Variants in COX11 observed in about 807,000 individuals in gnomAD.
The protein encoded by COX11 is cytochrome c oxidase assembly protein COX11, mitochondrial.
COX11 carries 18 observed loss-of-function variants against 29.4 expected under a neutral mutation model. The ratio of observed to expected loss-of-function variants is 0.61; its 90% CI spans 0.42 to 0.91. The LOEUF (loss-of-function observed/expected upper bound fraction) is 0.91. COX11 is among the 40% of genes least tolerant of loss of function. The probability of loss-of-function intolerance (pLI) is 0.00; values close to 1 mark genes in which losing one functional copy is unlikely to be tolerated. For missense variants in COX11, 312 were observed against 346.0 expected (o/e 0.90, Z 0.78); for synonymous variants, 131 against 124.0 (o/e 1.06, Z -0.38).
exon 1 of COX11, chr17:54,953,855 G>T (rs956670486): frequency 1.3e-5 from 2 of 152,210 alleles, no homozygotes; most frequent in Non-Finnish European, 2.9e-5. Context: ...GAGAGATGAA[G>T]TGAGATTAAA....
Position 54,961,331 on chromosome 17 carries a change from C to G in COX11, c.*1402G>C. 6.4e-7 allele frequency: 1 copy of G among 1,551,516 alleles called. No individual in the cohort carries two copies. The highest frequency in any genetic ancestry group is 8.7e-7 in the Non-Finnish European group (1 of 1,146,886). The stretch of plus-strand genomic sequence containing the variant: ...TTGAAGCCTGGAAGACAATACCTAC[C>G]AACATGTCAAAGCCATGGTGGCACA... On this transcript the variant is annotated 3_prime_UTR_variant, in exon 4 of 4. Transcript: ENST00000299335.
exon 1 of COX11, chr17:54,953,268 C>A: frequency 6.6e-6 from 1 of 152,594 alleles, no homozygotes; most frequent in Non-Finnish European, 1.5e-5. Context: ...ACTTGAGAGG[C>A]TAAGGTGGGA....
upstream of COX11, chr17:54,968,660 A>G: frequency 2.5e-6 from 4 of 1,594,856 alleles, no homozygotes; most frequent in Non-Finnish European, 3.4e-6. Flanking sequence ...CCTCTGAACT[A>G]ACACCCACCC....
At chr17:54,958,748 A>AAAAAG (rs372776781), downstream of COX11, among the ~76,000 whole-genome samples, 448 of 118,728 alleles carry the variant, frequency 3.8e-3, 3 homozygotes, top group African/African-American at 6.1e-3. Flanking sequence ...AAAAAAAAAA[A>AAAAAG]GGGGTTGTTG....
At chr17:54,964,900 G>A (rs749462664) in intron 1 of COX11, 48 bp from the exon 2 acceptor site, 3 of 1,552,306 alleles carry the variant, frequency 1.9e-6, no homozygotes, top group Non-Finnish European at 2.6e-6. Flanking sequence ...AGGTGTTGAT[G>A]ATCTATTTAT....
At chr17:54,967,000 C>A (rs1030649113) in intron 1 of COX11, among the ~76,000 whole-genome samples, 2 of 144,300 alleles carry the variant, frequency 1.4e-5, no homozygotes, top group African/African-American at 2.6e-5. Flanking sequence ...CATAGGGAGA[C>A]CTCGTCTCTA....
Position 54,968,419 on chromosome 17 carries a change from G to A in COX11, c.228C>T (p.Ser76=), listed in dbSNP as rs1392956564. ...PALQPPRRPK[S]SNPFTRAQEE... is the part of the protein sequence containing the mutation. Reference sequence around the variant, plus strand: ...CCTGCGCGCGTGTGAAAGGGTTCGAGCTCTTAGGCCGCCGCGGCGGCTGCA... The same window carrying A: ...CCTGCGCGCGTGTGAAAGGGTTCGAACTCTTAGGCCGCCGCGGCGGCTGCA... The change falls in exon 1 of 4, where the codon AGC becomes AGT. Residue 76 remains serine, a synonymous_variant. Coordinates refer to ENST00000299335, the MANE Select transcript of COX11 (RefSeq NM_004375.5). 1.2e-6 allele frequency: 2 copies of A among 1,613,466 alleles called. No individual in the cohort carries two copies. The highest frequency in any genetic ancestry group is 1.7e-6 in the Non-Finnish European group (2 of 1,179,992).
chr17:54,953,883 G>T (rs2049358655), exon 1 of COX11: 1 of 152,084 alleles, frequency 6.6e-6, no homozygotes, highest in Non-Finnish European at 1.5e-5. Context: ...TCAGCTTTTG[G>T]GTCATCTGGG....
downstream of COX11, chr17:54,957,443 C>T (rs529920502): frequency 6.6e-6 from 1 of 152,224 alleles, no homozygotes; most frequent in African/African-American, 2.4e-5. Context: ...TCCATCCAAA[C>T]AGGTAGTGGA....
chr17:54,963,224 A>G, intron 3 of COX11, 82 bp downstream of exon 3: 1 of 1,453,824 alleles, frequency 6.9e-7, no homozygotes, highest in Non-Finnish European at 9.4e-7. Flanking sequence ...AGAAATCACA[A>G]GATCTACTAA....
Position 54,968,287 on chromosome 17 carries a change from A to G in COX11, c.360T>C (p.Tyr120=), listed in dbSNP as rs758087630. The change falls in exon 1 of 4, where the codon TAT becomes TAC. Residue 120 remains tyrosine (Y), a synonymous_variant. Transcript: ENST00000299335. ...SYAAVPLYRL[Y]CQTTGLGGSA... ...GGGCGGCGCCGGCCCCTACCTGGCA[A>G]TAGAGCCGATAAAGGGGTACGGCAG... is the stretch of plus-strand genomic sequence containing the variant. 6 of 1,611,936 alleles carry G rather than the reference A, an allele frequency of 3.7e-6. No individual in the cohort carries two copies. The South Asian group carries it at 4.4e-5, about 12-fold the overall frequency.
exon 1 of COX11, chr17:54,952,252 A>C (rs1216892725): frequency 1.3e-5 from 2 of 152,114 alleles, no homozygotes; most frequent in Non-Finnish European, 2.9e-5. Flanking sequence ...TCTCAAACAG[A>C]ATTAGAAGTA....
rs2077299774 is a variant in COX11 at position 54,968,156 on chromosome 17, C to G, written c.366+125G>C. ...AGTGACTGTTTTGAACCTCTCTCCT[C>G]TTAGGTAGATAATATCGGAAACCTC... On this transcript the variant is annotated intron_variant, in intron 1 of 3. Coordinates refer to ENST00000299335, the MANE Select transcript of COX11 (RefSeq NM_004375.5). 3.5e-6 allele frequency: 5 copies of G among 1,444,004 alleles called. No homozygotes were observed. The South Asian group carries it at 5.5e-5, about 16-fold the overall frequency. The allele number at this position is 1,444,004 out of a possible 1,614,324, so 89.4% of individuals were successfully genotyped here.
intron 1 of COX11, 53 bp downstream of exon 1, chr17:54,968,228 T>C (rs561227389): frequency 1.9e-6 from 3 of 1,577,840 alleles, no homozygotes; most frequent in African/African-American, 1.4e-5. Context: ...GGATTTGTCT[T>C]GCACCCCCAC....
chr17:54,961,035 T>G lies in COX11; in HGVS notation c.*1698A>C. 1.7e-6 allele frequency: 1 copy of G among 589,230 alleles called. No homozygotes were observed. The highest frequency in any genetic ancestry group is 3.1e-5 in the Admixed American group (1 of 32,314). 36.5% of individuals were successfully genotyped at this position (589,230 alleles called of 1,614,324 possible). Reference sequence around the variant, plus strand: ...TTTTCAGCACTACTAATCCCATGTATTTACTATTTAATGGTCACCAATGAA... The same window carrying G: ...TTTTCAGCACTACTAATCCCATGTAGTTACTATTTAATGGTCACCAATGAA... On this transcript the variant is annotated 3_prime_UTR_variant, in exon 4 of 4. Transcript: ENST00000299335.
chr17:54,956,527 C>T (rs915783249), downstream of COX11, among the ~76,000 whole-genome samples: 2 of 152,034 alleles, frequency 1.3e-5, no homozygotes, highest in Non-Finnish European at 1.5e-5. Flanking sequence ...AGGCTGGTCT[C>T]GAACTCTTGG....
rs1428237752 is a variant in COX11, at chr17:54,961,251, A to T, written c.*1482T>A. 1 of 1,547,858 alleles carries T rather than the reference A, an allele frequency of 6.5e-7. No homozygotes were observed. The highest frequency in any genetic ancestry group is 8.7e-7 in the Non-Finnish European group (1 of 1,143,518). On this transcript the variant is annotated 3_prime_UTR_variant, in exon 4 of 4. Coordinates refer to ENST00000299335, the MANE Select transcript of COX11 (RefSeq NM_004375.5). ...TTATTTTAGAAGAAAGTGGATGATC[A>T]GCTCACTACCACATCAAAGGTGCCA...
Position 54,964,684 on chromosome 17 carries a change from G to A in COX11, c.522+13C>T, listed in dbSNP as rs2077187599. 6.2e-7 allele frequency: 1 copy of A among 1,608,978 alleles called. No homozygotes were observed. The highest frequency in any genetic ancestry group is 8.5e-7 in the Non-Finnish European group (1 of 1,175,698). ...TAATAAAGTAATCTTTTAATGACTG[G>A]TTAGTCACTTACATATATTTCTGTT... On this transcript the variant is annotated intron_variant, in intron 2 of 3. Coordinates refer to ENST00000299335, the MANE Select transcript of COX11 (RefSeq NM_004375.5).
Position 54,961,755 on chromosome 17 carries a change from T to C in COX11, c.*978A>G. On this transcript the variant is annotated 3_prime_UTR_variant, in exon 4 of 4. Transcript: ENST00000299335. ...TTATAAATTGTTAAAACCTTGATAATTGTCATTTAATTATATTTCAGGTGT... is the reference window on the plus strand; with the variant it reads ...TTATAAATTGTTAAAACCTTGATAACTGTCATTTAATTATATTTCAGGTGT... 9.9e-7 allele frequency: 1 copy of C among 1,013,742 alleles called. No individual in the cohort carries two copies. Among genetic ancestry groups the C allele is most frequent in the Non-Finnish European group, 1.2e-6 (1 of 848,186 alleles). The allele number at this position is 1,013,742 out of a possible 1,614,324, so 62.8% of individuals were successfully genotyped here. A position where few individuals can be genotyped will look rare whatever the true frequency, so the allele number is the denominator to read the frequency against.
Sources: allele counts gnomAD v4.1 joint callset (sites outside exome capture counted in the v4.1 genomes callset), GRCh38; gene constraint gnomAD v4.1.1; transcripts MANE v1.5; gene names NCBI Gene and HGNC (gene_info 2026-07-23, HGNC 2026-07-21).